ELK3: variants seen among roughly 807,000 people sequenced by gnomAD.
The protein encoded by ELK3 is ETS domain-containing protein Elk-3.
ELK3 carries 10 observed loss-of-function variants against 28.9 expected under a neutral mutation model. The ratio of observed to expected loss-of-function variants is 0.35; its 90% CI spans 0.21 to 0.59. The LOEUF (loss-of-function observed/expected upper bound fraction) is 0.59, where lower values mean the gene tolerates loss of function less well. Ranked by LOEUF, ELK3 falls within the 20% of genes least tolerant of loss-of-function variation. The probability of loss-of-function intolerance (pLI) is 0.82; values close to 1 mark genes in which losing one functional copy is unlikely to be tolerated. For synonymous variants in ELK3, 272 were observed against 243.5 expected, an observed-to-expected ratio of 1.12 and a Z score of -1.09; for missense variants, 463 against 517.3, an observed-to-expected ratio of 0.90 and a Z score of 1.02.
At chr12:96,204,252 G>A (rs1268006498) in intron 1 of ELK3, among the ~76,000 whole-genome samples, 1 of 152,100 alleles carries the variant, frequency 6.6e-6, no homozygotes, top group Non-Finnish European at 1.5e-5. Flanking sequence ...GGTTTTCGTA[G>A]TTCCCTTGGA....
chr12:96,198,163 C>T (rs899124272), intron 1 of ELK3: 1 of 152,170 alleles, frequency 6.6e-6, no homozygotes, highest in Non-Finnish European at 1.5e-5. Context: ...GCTTACTAAT[C>T]GTTAGTTTTG....
intron 1 of ELK3, among the ~76,000 whole-genome samples, chr12:96,207,015 G>C (rs1215324748): frequency 1.3e-5 from 2 of 152,308 alleles, no homozygotes; most frequent in East Asian, 1.9e-4. Flanking sequence ...AGACTGTTAA[G>C]TTTTGAAATC....
chr12:96,251,288 T>C (rs994756884), intron 3 of ELK3, among the ~76,000 whole-genome samples: 1 of 152,150 alleles, frequency 6.6e-6, no homozygotes, highest in Non-Finnish European at 1.5e-5. Flanking sequence ...GTGTTGTGTG[T>C]GTCCCAACTG....
At chr12:96,206,537 C>T (rs1428283222) in intron 1 of ELK3, among the ~76,000 whole-genome samples, 1 of 152,098 alleles carries the variant, frequency 6.6e-6, no homozygotes, top group Non-Finnish European at 1.5e-5. Flanking sequence ...CACCTCACCT[C>T]GTGATCTGCC....
intron 1 of ELK3, among the ~76,000 whole-genome samples, chr12:96,200,819 T>C (rs1460052269): frequency 1.3e-5 from 2 of 152,208 alleles, no homozygotes; most frequent in Non-Finnish European, 1.5e-5. Context: ...TATGCCACCA[T>C]GCCTGGCTAA....
At chr12:96,262,144 A>G (rs1004099579) in intron 4 of ELK3, among the ~76,000 whole-genome samples, 4 of 151,518 alleles carry the variant, frequency 2.6e-5, no homozygotes, top group Non-Finnish European at 5.9e-5. Flanking sequence ...TCAGCATCCC[A>G]AATAGCTAGG....
chr12:96,218,192 TG>T (rs755238634), intron 1 of ELK3, among the ~76,000 whole-genome samples: 79 of 152,200 alleles, frequency 5.2e-4, no homozygotes, highest in Non-Finnish European at 4.7e-4. Context: ...TGGTCAGTGC[TG>T]GTAGAAATGG....
intron 1 of ELK3, among the ~76,000 whole-genome samples, chr12:96,196,500 T>A (rs1260454808): frequency 2.0e-5 from 3 of 152,070 alleles, no homozygotes; most frequent in South Asian, 4.2e-4. Flanking sequence ...TACCCTCTGA[T>A]CTCTTTTTCT....
Position 96,247,429 on chromosome 12 carries a change from A to G in ELK3, c.697A>G (p.Ile233Val), listed in dbSNP as rs1951865874. 1 of 1,613,662 alleles carries G rather than the reference A, an allele frequency of 6.2e-7. No individual in the cohort carries two copies. Among genetic ancestry groups the G allele is most frequent in the African/African-American group, 1.3e-5 (1 of 74,772 alleles). The change falls in exon 3 of 5, where the codon ATT (isoleucine) becomes GTT (valine). Residue 233 changes from isoleucine to valine, a missense_variant. By Grantham distance (29) the Ile-to-Val change is conservative. Around this residue, in one of 2 missense-constraint regions of ELK3, gnomAD observed 408 missense variants for 414.8 expected, o/e 0.98. Coordinates refer to ENST00000228741, the MANE Select transcript of ELK3 (RefSeq NM_005230.4). The surrounding 1 kb of genome is among the most constrained non-coding windows in gnomAD (Gnocchi z 5.5). ...TTTAATGTTGCCAAACGCTGCCAGT[A>G]TTTCATCCGCCTCACCCTTCTCATC... ...SSLMLPNAAS[I>V]SSASPFSSRS...
chr12:96,239,791 C>T (rs1231186668), intron 2 of ELK3, among the ~76,000 whole-genome samples: 1 of 152,254 alleles, frequency 6.6e-6, no homozygotes, highest in African/African-American at 2.4e-5. Context: ...CGCTGCAAGG[C>T]TGCTCTTCTC....
chr12:96,263,766 T>A (rs1426694021), intron 4 of ELK3, among the ~76,000 whole-genome samples: 1 of 152,172 alleles, frequency 6.6e-6, no homozygotes, highest in East Asian at 1.9e-4. Context: ...GAGAGTCTGT[T>A]CAGGAAGGGA....
At chr12:96,221,121 C>T (rs1951658658) in intron 1 of ELK3, among the ~76,000 whole-genome samples, 3 of 152,150 alleles carry the variant, frequency 2.0e-5, no homozygotes, top group Non-Finnish European at 4.4e-5. Context: ...CAGCACTCCT[C>T]CCACAGCCAC....
chr12:96,198,473 G>A (rs764311096), intron 1 of ELK3, among the ~76,000 whole-genome samples: 1 of 152,152 alleles, frequency 6.6e-6, no homozygotes, highest in African/African-American at 2.4e-5. Flanking sequence ...ACATAAATAC[G>A]CAGATGAGAG....
intron 1 of ELK3, among the ~76,000 whole-genome samples, chr12:96,220,382 ATTTTTTTTTTT>A (rs35309478): frequency 2.0e-5 from 2 of 100,324 alleles, no homozygotes; most frequent in African/African-American, 4.1e-5. Context: ...CTTTTTCGTG[ATTTTTTTTTTT>A]TTTTTTTTTT....
At chr12:96,201,493 G>A (rs1951507408) in intron 1 of ELK3, among the ~76,000 whole-genome samples, 1 of 147,980 alleles carries the variant, frequency 6.8e-6, no homozygotes, top group Non-Finnish European at 1.5e-5. Flanking sequence ...CGTGCCAGTA[G>A]TCCCAGCTAC....
chr12:96,254,825 C>T (rs1398950617), intron 3 of ELK3, among the ~76,000 whole-genome samples: 2 of 151,934 alleles, frequency 1.3e-5, no homozygotes, highest in East Asian at 1.9e-4. Context: ...GGGGTGAGAC[C>T]ACTGGTACAG....
At chr12:96,256,842 A>G (rs1951953237) in intron 3 of ELK3, among the ~76,000 whole-genome samples, 1 of 152,184 alleles carries the variant, frequency 6.6e-6, no homozygotes, top group South Asian at 2.1e-4. Flanking sequence ...GGGCCGGGGC[A>G]GGGGTGCACA....
rs576691848 is a variant in ELK3, at chr12:96,205,213, T to C, written c.-3+10508T>C. 3.9e-5 allele frequency among the ~76,000 whole-genome samples: 6 copies of C among 152,342 alleles called. No homozygotes were observed. In the East Asian group the frequency reaches 9.6e-4, roughly 24 times the overall value. ...GAGAACCTAGATTTATTACAGAATTTGCAGGAAAGAAGAAAGCATAGATTC... is the reference window on the plus strand; with the variant it reads ...GAGAACCTAGATTTATTACAGAATTCGCAGGAAAGAAGAAAGCATAGATTC... On this transcript the variant is annotated intron_variant, in intron 1 of 4. Transcript: ENST00000228741.
At chr12:96,211,212 A>G (rs1431572719) in intron 1 of ELK3, among the ~76,000 whole-genome samples, 2 of 152,202 alleles carry the variant, frequency 1.3e-5, no homozygotes, top group African/African-American at 4.8e-5. Context: ...CTATTTAATA[A>G]AGTAATGGAT....
Sources: gnomAD v4.1 joint callset for allele counts (sites outside exome capture counted in the v4.1 genomes callset) on GRCh38, gnomAD v4.1.1 for gene constraint, gnomAD v4.1.1 regional missense constraint, Gnocchi (gnomAD v3.1) non-coding constraint, MANE v1.5 for transcripts, NCBI Gene and HGNC (gene_info 2026-07-23, HGNC 2026-07-21) for gene names.